The following TRIM48 variants were observed in gnomAD, a reference collection of about 807,000 sequenced individuals.
TRIM48 encodes the protein E3 ubiquitin-protein ligase TRIM48.
Under a neutral mutation model 29.5 loss-of-function variants are expected in TRIM48, and 31 were observed. That is an observed-to-expected ratio of 1.05 (90% CI 0.79 to 1.42). The LOEUF is 1.42. TRIM48 is among the 40% of genes most tolerant of loss of function. TRIM48 has a pLI of 0.00. For synonymous variants in TRIM48, 128 were observed against 90.6 expected (o/e 1.41, Z -2.34); for missense variants, 344 against 265.0 (o/e 1.30, Z -2.07).
chr11:55,265,184 G>A lies in TRIM48; in HGVS notation c.329G>A (p.Gly110Asp), dbSNP rs1484647724. 5 of 1,582,666 alleles carry A rather than the reference G, an allele frequency of 3.2e-6. No homozygotes were observed. Among genetic ancestry groups the A allele is most frequent in the African/African-American group, 2.7e-5 (2 of 73,634 alleles). Residue 110 changes from glycine (G) to aspartate (D), a missense_variant, in exon 2 of 6, where the codon GGC becomes GAC. By Grantham distance (94) the Gly-to-Asp change is moderately conservative (BLOSUM62 -1). Coordinates refer to ENST00000417545, the MANE Select transcript of TRIM48 (RefSeq NM_024114.5). ...LFLSSEEQMC[G>D]IHRETKKMFC... Reference sequence around the variant, plus strand: ...CTGAGCTCTGAGGAGCAAATGTGTGGCATTCACAGGGAGACAAAGAAGATG... The same window carrying A: ...CTGAGCTCTGAGGAGCAAATGTGTGACATTCACAGGGAGACAAAGAAGATG...
At position 55,269,272 on chromosome 11, in the gene TRIM48, G is replaced by C. The variant is rs191683115; in HGVS notation, c.609G>C (p.Gln203His). 2.2e-5 allele frequency: 35 copies of C among 1,576,306 alleles called. 5 individuals carry two copies. In the African/African-American group the frequency reaches 3.3e-4, roughly 15 times the overall value. Residue 203 changes from glutamine to histidine, a missense_variant, in exon 5 of 6, where the codon CAG (glutamine) becomes CAC (histidine). Gln to His is a conservative substitution (Grantham distance 24). Transcript: ENST00000417545. Reference sequence around the variant, plus strand: ...AGTCCGTGCTGCTGCACATGCCCCAGCCTCTGAATCTAGCGCTCAGGGCAG... The same window carrying C: ...AGTCCGTGCTGCTGCACATGCCCCACCCTCTGAATCTAGCGCTCAGGGCAG... ...RSESVLLHMP[Q>H]PLNLALRAGP...
rs1286747403 is a variant in TRIM48, at chr11:55,269,981, A to T, written c.*2-456A>T. 2.0e-5 allele frequency among the ~76,000 whole-genome samples: 3 copies of T among 147,962 alleles called. 1 individual carries two copies. The South Asian group carries it at 7.3e-4, about 36-fold the overall frequency. On this transcript the variant is annotated intron_variant, in intron 5 of 5. Transcript: ENST00000417545. The stretch of plus-strand genomic sequence containing the variant: ...ATTTTGCAGAAATCTGCTTCAAATG[A>T]TCACTTATGACATGTACTTATGGAT...
chr11:55,265,543 G>A (rs1857379218), intron 2 of TRIM48, 57 bp from the exon 3 acceptor site: 6 of 1,550,978 alleles, frequency 3.9e-6, no homozygotes, highest in Non-Finnish European at 4.4e-6. Context: ...CCAATGAAAC[G>A]GTCTGTATGT....
chr11:55,270,784 C>A lies in TRIM48; in HGVS notation c.*349C>A. ...CTCCCCAATTACACTGCAGTATGTCCCAAGACCTACCAACCATGTAGAATT... is the reference window on the plus strand; with the variant it reads ...CTCCCCAATTACACTGCAGTATGTCACAAGACCTACCAACCATGTAGAATT... On this transcript the variant is annotated 3_prime_UTR_variant, in exon 6 of 6. Transcript: ENST00000417545. 3 of 1,574,848 alleles carry A rather than the reference C, an allele frequency of 1.9e-6. No homozygotes were observed. Among genetic ancestry groups the A allele is most frequent in the Non-Finnish European group, 2.6e-6 (3 of 1,158,194 alleles).
In TRIM48 at chr11:55,262,294, C is replaced by A. The variant is rs1209665744; in HGVS notation, c.27C>A (p.Thr9=). MSRRIIVG[T]LQRTQRNMNS... ...TGTCTCGAAGAATCATTGTGGGAAC[C>A]CTTCAAAGAACCCAGCGGTGAGTGA... Residue 9 remains threonine, a synonymous_variant, in exon 1 of 6, where the codon ACC becomes ACA. Transcript: ENST00000417545. 4 of 1,548,312 alleles carry A rather than the reference C, an allele frequency of 2.6e-6. No homozygotes were observed. The Admixed American group carries it at 7.9e-5, about 30-fold the overall frequency.
rs1254646395 is a variant in TRIM48, at chr11:55,269,561, T to G, written c.*1+222T>G. The stretch of plus-strand genomic sequence containing the variant: ...AAATACATTATGGCCTCATATGTAC[T>G]GAGTAATGTAATGGGAAAAAAGGAG... On this transcript the variant is annotated intron_variant, in intron 5 of 5. Coordinates refer to ENST00000417545, the MANE Select transcript of TRIM48 (RefSeq NM_024114.5). Among the ~76,000 whole-genome samples the G allele has an allele frequency of 3.4e-5, 5 of 147,752 alleles. 1 individual carries two copies. The highest frequency in any genetic ancestry group is 2.4e-4 in the South Asian group (1 of 4,120).
intron 3 of TRIM48, among the ~76,000 whole-genome samples, chr11:55,266,386 G>A (rs1196248366): frequency 6.8e-6 from 1 of 147,206 alleles, no homozygotes; most frequent in Admixed American, 6.9e-5. Flanking sequence ...GCTAATATTA[G>A]TGTGTTGAAA....
chr11:55,262,433 T>C (rs1857316984), intron 1 of TRIM48, 122 bp downstream of exon 1: 1 of 730,044 alleles, frequency 1.4e-6, no homozygotes, highest in African/African-American at 1.8e-5. Context: ...ATTCATATTC[T>C]TACTATAGAT....
At position 55,271,078 on chromosome 11, in the gene TRIM48, T is replaced by C; in HGVS notation, c.*643T>C. The C allele has an allele frequency of 8.7e-7, 1 of 1,153,434 alleles. No homozygotes were observed. The highest frequency in any genetic ancestry group is 1.2e-6 in the Non-Finnish European group (1 of 839,846). The allele number at this position is 1,153,434 out of a possible 1,614,324, so 71.4% of individuals were successfully genotyped here. A position where few individuals can be genotyped will look rare whatever the true frequency, so the allele number is the denominator to read the frequency against. ...CATTCTAATGTTATTAAAACTCATT[T>C]ATTGTGTTACTATTAAATGTAGTAA... is the stretch of plus-strand genomic sequence containing the variant. On this transcript the variant is annotated 3_prime_UTR_variant, in exon 6 of 6. Coordinates refer to ENST00000417545, the MANE Select transcript of TRIM48 (RefSeq NM_024114.5).
intron 3 of TRIM48, among the ~76,000 whole-genome samples, chr11:55,266,069 T>C (rs1435002545): frequency 2.0e-5 from 3 of 147,656 alleles, no homozygotes; most frequent in African/African-American, 7.4e-5. Flanking sequence ...TGAGCCTGGG[T>C]CAGCATTAAT....
chr11:55,268,541 T>G (rs1184582290), intron 4 of TRIM48, among the ~76,000 whole-genome samples, 169 bp downstream of exon 4: 1 of 147,448 alleles, frequency 6.8e-6, no homozygotes, highest in African/African-American at 2.5e-5. Flanking sequence ...AATAAATACA[T>G]AAATAAATAA....
In TRIM48 at chr11:55,265,797, CAAAAAA is replaced by C; in HGVS notation, c.555+113_555+118del. Reference sequence around the variant, plus strand: ...ATCAAACCGTAATGTTTCTGGGAGTCAAAAAAAAAAAAAAAAGAGAAGAAAACATTG... The same window carrying C: ...ATCAAACCGTAATGTTTCTGGGAGTCAAAAAAAAAAGAGAAGAAAACATTG... On this transcript the variant is annotated intron_variant, in intron 3 of 5. Transcript: ENST00000417545. 7.7e-5 allele frequency: 65 copies of C among 847,484 alleles called. 1 individual carries two copies. Among genetic ancestry groups the C allele is most frequent in the South Asian group, 2.8e-4 (11 of 39,196 alleles). The allele number at this position is 847,484 out of a possible 1,614,324, so 52.5% of individuals were successfully genotyped here.
chr11:55,268,594 T>G lies in TRIM48; in HGVS notation c.578+222T>G. Among the ~76,000 whole-genome samples the G allele has an allele frequency of 1.4e-5, 2 of 147,944 alleles. 1 individual carries two copies. Among genetic ancestry groups the G allele is most frequent in the East Asian group, 4.3e-4 (2 of 4,680 alleles). ...TAAAAAACATGTTTATTCCTGACTT[T>G]GTTTTATTGCTTAAAAGCCTGCATA... On this transcript the variant is annotated intron_variant, in intron 4 of 5. Coordinates refer to ENST00000417545, the MANE Select transcript of TRIM48 (RefSeq NM_024114.5).
chr11:55,267,878 C>T lies in TRIM48; in HGVS notation c.556-472C>T, dbSNP rs561874697. Among the ~76,000 whole-genome samples, 54 of 147,880 alleles carry T rather than the reference C, an allele frequency of 3.7e-4. 4 individuals are homozygous for T. Among genetic ancestry groups the T allele is most frequent in the African/African-American group, 1.2e-3 (49 of 40,558 alleles). On this transcript the variant is annotated intron_variant, in intron 3 of 5. Transcript: ENST00000417545. ...TTGTGGAATGGTCAAGGTAACAGCC[C>T]CAATAACTATTCCCCAACTAAGTCA...
chr11:55,265,779 C>G (rs559652885), intron 3 of TRIM48, 84 bp downstream of exon 3: 2 of 1,211,098 alleles, frequency 1.7e-6, no homozygotes, highest in Admixed American at 5.4e-5. Context: ...GATATCAAAC[C>G]GTAATGTTTC....
At chr11:55,268,142 C>T (rs1362871222) in intron 3 of TRIM48, among the ~76,000 whole-genome samples, 2 of 147,452 alleles carry the variant, frequency 1.4e-5, no homozygotes, top group Non-Finnish European at 3.0e-5. Flanking sequence ...TGGAGAATGT[C>T]TTCAAGACTC....
rs1857423367 is a variant in TRIM48, at chr11:55,268,292, T to A, written c.556-58T>A. The A allele has an allele frequency of 2.1e-6, 3 of 1,402,396 alleles. 1 individual carries two copies. The highest frequency in any genetic ancestry group is 1.8e-5 in the Admixed American group (1 of 56,522). The allele number at this position is 1,402,396 out of a possible 1,614,324, so 86.9% of individuals were successfully genotyped here. The stretch of plus-strand genomic sequence containing the variant: ...ACTGACTCCAAATTTCACACTGAAC[T>A]TAATGAAAGATGCATCTTGTGAACT... On this transcript the variant is annotated intron_variant, in intron 3 of 5. Coordinates refer to ENST00000417545, the MANE Select transcript of TRIM48 (RefSeq NM_024114.5).
chr11:55,268,965 C>T (rs879708825), intron 4 of TRIM48, among the ~76,000 whole-genome samples: 7 of 147,880 alleles, frequency 4.7e-5, no homozygotes, highest in Admixed American at 1.4e-4. Flanking sequence ...CTCAGAATTT[C>T]GTTTCTAAAT....
chr11:55,267,657 G>C, intron 3 of TRIM48: 1 of 1,565,186 alleles, frequency 6.4e-7, no homozygotes, highest in Non-Finnish European at 8.7e-7. Context: ...TCGCAATGTG[G>C]TTTCAGGTTT....
Sources: gnomAD v4.1 joint callset for allele counts (sites outside exome capture counted in the v4.1 genomes callset) on GRCh38, gnomAD v4.1.1 for gene constraint, MANE v1.5 for transcripts, NCBI Gene and HGNC (gene_info 2026-07-23, HGNC 2026-07-21) for gene names.